Variants in TRPM3 observed in about 807,000 individuals in gnomAD.
The protein encoded by TRPM3 is transient receptor potential cation channel subfamily M member 3, also known as long transient receptor potential channel 3.
A neutral mutation model predicts 181.2 loss-of-function variants in TRPM3; 77 were observed. That is an observed-to-expected ratio of 0.42 (90% CI 0.35 to 0.51). The LOEUF (loss-of-function observed/expected upper bound fraction) is 0.51, where lower values mean the gene tolerates loss of function less well. Ranked by LOEUF, TRPM3 falls within the 20% of genes least tolerant of loss-of-function variation. The pLI is 0.01. For missense variants in TRPM3, 1,759 were observed against 2,196.7 expected, an observed-to-expected ratio of 0.80 and a Z score of 3.98; for synonymous variants, 745 against 796.4, an observed-to-expected ratio of 0.94 and a Z score of 1.09.
At chr9:71,076,708 T>C (rs963152560) in intron 1 of TRPM3, among the ~76,000 whole-genome samples, 1 of 152,132 alleles carries the variant, frequency 6.6e-6, no homozygotes, top group Non-Finnish European at 1.5e-5. Context: ...CAAATCTATA[T>C]AGGGTTCTCA....
intron 5 of TRPM3, among the ~76,000 whole-genome samples, chr9:70,841,251 C>T (rs1415576130): frequency 6.6e-6 from 1 of 152,054 alleles, no homozygotes; most frequent in Non-Finnish European, 1.5e-5. Flanking sequence ...CTTTTCCAGT[C>T]AGGTCTGCCT....
At chr9:71,338,793 G>A (rs1031369294) in intron 1 of TRPM3, among the ~76,000 whole-genome samples, 1 of 152,098 alleles carries the variant, frequency 6.6e-6, no homozygotes, top group East Asian at 1.9e-4. Context: ...CTTAGAGTCA[G>A]CATCTTACTT....
intron 1 of TRPM3, among the ~76,000 whole-genome samples, chr9:71,398,833 G>A (rs899490727): frequency 1.1e-4 from 16 of 151,992 alleles, no homozygotes; most frequent in African/African-American, 3.9e-4. Context: ...ATAAGACACA[G>A]GTTATGAACA....
At chr9:71,004,995 G>C (rs918235377) in intron 1 of TRPM3, among the ~76,000 whole-genome samples, 30 of 152,158 alleles carry the variant, frequency 2.0e-4, no homozygotes, top group African/African-American at 7.0e-4. Context: ...TCATCCATCA[G>C]ACCAACTTCT....
chr9:70,911,161 C>T (rs1231057307), intron 1 of TRPM3, among the ~76,000 whole-genome samples: 1 of 152,192 alleles, frequency 6.6e-6, no homozygotes, highest in Non-Finnish European at 1.5e-5. Context: ...ATTTCCAAAA[C>T]TTATTTGTGA....
At chr9:71,414,557 A>G (rs573892591) in intron 1 of TRPM3, among the ~76,000 whole-genome samples, 1 of 152,124 alleles carries the variant, frequency 6.6e-6, no homozygotes, top group Admixed American at 6.6e-5. Context: ...GTGGGTCAAA[A>G]AAATGTAACA....
chr9:71,390,314 CTT>C (rs1317872616), intron 1 of TRPM3, among the ~76,000 whole-genome samples: 1 of 151,990 alleles, frequency 6.6e-6, no homozygotes, highest in Non-Finnish European at 1.5e-5. Context: ...ATAAAGGAAA[CTT>C]AATGGTAAAT....
At chr9:71,132,453 T>C (rs4442206) in intron 1 of TRPM3, among the ~76,000 whole-genome samples, 92,912 of 152,086 alleles carry the variant, frequency 0.61, 28,929 homozygotes, top group African/African-American at 0.74. Context: ...GCAATGGTTG[T>C]CAGGGATCAT....
At chr9:71,079,618 T>C (rs74587070) in intron 1 of TRPM3, among the ~76,000 whole-genome samples, 14,115 of 152,246 alleles carry the variant, frequency 0.093, 765 homozygotes, top group Admixed American at 0.15. Context: ...AATAGTTCTT[T>C]ATTAATAATG....
chr9:71,009,385 T>A (rs1223379620), intron 1 of TRPM3, among the ~76,000 whole-genome samples: 3 of 152,110 alleles, frequency 2.0e-5, no homozygotes, highest in African/African-American at 7.2e-5. Flanking sequence ...CATAAAAAAA[T>A]TCAGTAAAGT....
At chr9:71,390,309 G>A (rs1259320717) in intron 1 of TRPM3, among the ~76,000 whole-genome samples, 1 of 151,990 alleles carries the variant, frequency 6.6e-6, no homozygotes, top group Non-Finnish European at 1.5e-5. Context: ...TACACATAAA[G>A]GAAACTTAAT....
chr9:71,197,953 A>G (rs1015271355), intron 1 of TRPM3, among the ~76,000 whole-genome samples: 8 of 151,352 alleles, frequency 5.3e-5, no homozygotes, highest in African/African-American at 1.9e-4. Flanking sequence ...GCCCATGCCT[A>G]TGTCCTGAAT....
At chr9:70,629,373 T>G (rs568311814) in intron 12 of TRPM3, among the ~76,000 whole-genome samples, 2 of 152,126 alleles carry the variant, frequency 1.3e-5, no homozygotes, top group Admixed American at 6.5e-5. Context: ...TTCACTCTTG[T>G]CGCCCAGGCT....
At chr9:71,337,102 T>A (rs1216956319) in intron 1 of TRPM3, among the ~76,000 whole-genome samples, 3 of 151,586 alleles carry the variant, frequency 2.0e-5, no homozygotes, top group Non-Finnish European at 4.4e-5. Context: ...AATTGAAAAA[T>A]GGGGTCTAAT....
intron 11 of TRPM3, among the ~76,000 whole-genome samples, chr9:70,637,249 T>G (rs2057356317): frequency 1.3e-5 from 2 of 152,212 alleles, no homozygotes; most frequent in South Asian, 4.1e-4. Flanking sequence ...TATCACTTTA[T>G]CTGATGGGGT....
At chr9:71,257,672 C>T (rs2082758920) in intron 1 of TRPM3, among the ~76,000 whole-genome samples, 1 of 152,110 alleles carries the variant, frequency 6.6e-6, no homozygotes. Context: ...ATGTATAGCC[C>T]TCCTGAGGAA....
intron 25 of TRPM3, among the ~76,000 whole-genome samples, chr9:70,538,064 A>G (rs980365997): frequency 5.3e-5 from 8 of 152,244 alleles, no homozygotes; most frequent in Admixed American, 2.0e-4. Context: ...GGATTGATCT[A>G]ATCTAATCCA....
chr9:70,917,600 G>C (rs2096613890), intron 1 of TRPM3: 1 of 451,086 alleles, frequency 2.2e-6, no homozygotes, highest in Non-Finnish European at 4.2e-6. Context: ...TTATACTATA[G>C]ATTCACAAGT....
intron 8 of TRPM3, among the ~76,000 whole-genome samples, chr9:70,756,170 A>C (rs1000741985): frequency 7.9e-5 from 12 of 152,278 alleles, no homozygotes; most frequent in African/African-American, 1.9e-4. Flanking sequence ...AACAAAAAAA[A>C]CAAAAAAGCA....
Sources: gnomAD v4.1 joint callset for allele counts (sites outside exome capture counted in the v4.1 genomes callset) on GRCh38, gnomAD v4.1.1 for gene constraint, MANE v1.5 for transcripts, NCBI Gene and HGNC (gene_info 2026-07-23, HGNC 2026-07-21) for gene names.